STX7: variants seen among roughly 807,000 people sequenced by gnomAD.
STX7 encodes the protein syntaxin-7.
A neutral mutation model predicts 39.6 loss-of-function variants in STX7; 34 were observed. The observed-to-expected ratio is 0.86, with a 90% CI of 0.65 to 1.14. STX7 has a LOEUF of 1.14. Ranked by LOEUF, STX7 falls within the 50% of genes most tolerant of loss-of-function variation. STX7 has a pLI of 0.00. For missense variants in STX7, 284 were observed against 310.4 expected, an observed-to-expected ratio of 0.92 and a Z score of 0.64; for synonymous variants, 119 against 99.1, an observed-to-expected ratio of 1.20 and a Z score of -1.19.
At chr6:132,504,843 G>A (rs7758170) in intron 1 of STX7, among the ~76,000 whole-genome samples, 12,275 of 152,278 alleles carry the variant, frequency 0.081, 659 homozygotes, top group East Asian at 0.16. Context: ...TAGAAACATA[G>A]GATTTGGATG....
At chr6:132,463,363 A>T (rs12195647) in intron 9 of STX7, among the ~76,000 whole-genome samples, 10 of 152,294 alleles carry the variant, frequency 6.6e-5, no homozygotes, top group African/African-American at 2.4e-4. Context: ...TGCATATTGT[A>T]TGATGTATTA....
intron 2 of STX7, among the ~76,000 whole-genome samples, chr6:132,485,875 T>C (rs982454337): frequency 2.0e-5 from 3 of 152,256 alleles, no homozygotes; most frequent in Non-Finnish European, 4.4e-5. Flanking sequence ...CCCAATTATA[T>C]AAGCTTTCTT....
At chr6:132,479,095 T>G (rs1381569853) in intron 2 of STX7, among the ~76,000 whole-genome samples, 7 of 152,208 alleles carry the variant, frequency 4.6e-5, no homozygotes, top group Non-Finnish European at 7.3e-5. Context: ...GTTTCCTCAG[T>G]GAAAAATCTT....
intron 1 of STX7, among the ~76,000 whole-genome samples, chr6:132,505,762 A>AC (rs1442534234): frequency 7.4e-6 from 1 of 135,902 alleles, no homozygotes; most frequent in African/African-American, 2.8e-5. Flanking sequence ...AAAAAAAAAA[A>AC]AACACAGGTT....
intron 2 of STX7, among the ~76,000 whole-genome samples, chr6:132,481,563 ACT>A (rs34096587): frequency 0.32 from 48,447 of 151,904 alleles, 9,039 homozygotes; most frequent in Middle Eastern, 0.44. Context: ...CCTCCTTGTC[ACT>A]CTGAAACAAT....
chr6:132,472,973 C>T (rs1221969404), intron 3 of STX7, among the ~76,000 whole-genome samples: 1 of 152,202 alleles, frequency 6.6e-6, no homozygotes, highest in Non-Finnish European at 1.5e-5. Flanking sequence ...GCCTGGCCAA[C>T]ATGGCGAAAC....
rs761429185 is a variant in STX7 at position 132,512,606 on chromosome 6, GAA to G, written c.-59+399_-59+400del. On this transcript the variant is annotated intron_variant, in intron 1 of 9. Transcript: ENST00000367941. ...TAGTGTGTTTTTCAATCCGTGAGTT[GAA>G]AAGAGGAAGAGGTCATTTGGTCGTG... Among the ~76,000 whole-genome samples the G allele has an allele frequency of 7.5e-4, 115 of 152,352 alleles. No individual in the cohort carries two copies. In the East Asian group the frequency reaches 0.019, roughly 26 times the overall value.
chr6:132,495,729 C>A (rs1306305666), intron 2 of STX7, among the ~76,000 whole-genome samples: 1 of 151,970 alleles, frequency 6.6e-6, no homozygotes, highest in African/African-American at 2.4e-5. Flanking sequence ...TTCACCAGAC[C>A]CTAACTAATT....
chr6:132,504,897 A>C (rs765966455), intron 1 of STX7, among the ~76,000 whole-genome samples: 16 of 152,252 alleles, frequency 1.1e-4, no homozygotes, highest in Non-Finnish European at 2.4e-4. Context: ...CAAGGACGTG[A>C]AGGCTGGGGT....
In STX7 at chr6:132,454,456, G is replaced by GA. The variant is rs1774204036; in HGVS notation, c.*6301dup. 6.6e-6 allele frequency: 1 copy of GA among 152,160 alleles called. No homozygotes were observed. The highest frequency in any genetic ancestry group is 1.5e-5 in the Non-Finnish European group (1 of 68,010). The allele number at this position is 152,160 out of a possible 1,614,324, so 9.4% of individuals were successfully genotyped here. Reference sequence around the variant, plus strand: ...ATGTTCACTGTGTGGGAAACAAAGTGAAAGGTACACGAAAGAGGTCTCTGT... The same window carrying GA: ...ATGTTCACTGTGTGGGAAACAAAGTGAAAAGGTACACGAAAGAGGTCTCTGT... On this transcript the variant is annotated 3_prime_UTR_variant, in exon 10 of 10. Coordinates refer to ENST00000367941, the MANE Select transcript of STX7 (RefSeq NM_003569.3).
At chr6:132,512,167 T>C (rs1775862120) in intron 1 of STX7, among the ~76,000 whole-genome samples, 1 of 152,202 alleles carries the variant, frequency 6.6e-6, no homozygotes. Context: ...ATTTCATAAT[T>C]ACTTTCTTTT....
At chr6:132,503,674 CA>C (rs1313317908) in intron 1 of STX7, 86 bp from the exon 2 acceptor site, 7 of 541,526 alleles carry the variant, frequency 1.3e-5, no homozygotes, top group Non-Finnish European at 9.6e-6. Flanking sequence ...GTTACAAGGA[CA>C]AACTTGATTA....
chr6:132,473,597 C>T (rs1582655347), intron 3 of STX7, among the ~76,000 whole-genome samples: 1 of 142,238 alleles, frequency 7.0e-6, no homozygotes, highest in East Asian at 2.2e-4. Flanking sequence ...ATACAGAGTG[C>T]TGACTACATA....
At chr6:132,489,022 C>T (rs370746328) in intron 2 of STX7, among the ~76,000 whole-genome samples, 3 of 151,672 alleles carry the variant, frequency 2.0e-5, no homozygotes, top group Non-Finnish European at 1.5e-5. Flanking sequence ...GCCAACATGG[C>T]GAAAACCCAT....
At chr6:132,483,862 T>A (rs1448280165) in intron 2 of STX7, among the ~76,000 whole-genome samples, 1 of 152,064 alleles carries the variant, frequency 6.6e-6, no homozygotes. Flanking sequence ...TCTGGAAAAA[T>A]AAATAATCCT....
At chr6:132,489,648 T>C (rs1184313147) in intron 2 of STX7, among the ~76,000 whole-genome samples, 1 of 152,102 alleles carries the variant, frequency 6.6e-6, no homozygotes. Flanking sequence ...AAAGGATGAG[T>C]CTCGAGGCTG....
chr6:132,506,794 C>T (rs1775715584), intron 1 of STX7, among the ~76,000 whole-genome samples: 1 of 151,276 alleles, frequency 6.6e-6, no homozygotes, highest in African/African-American at 2.4e-5. Flanking sequence ...GGGTATCTAC[C>T]CAAAAGAAAA....
intron 1 of STX7, among the ~76,000 whole-genome samples, chr6:132,505,718 T>C (rs1011264829): frequency 1.6e-5 from 2 of 124,612 alleles, no homozygotes; most frequent in African/African-American, 3.2e-5. Flanking sequence ...CATGCAATTT[T>C]AAATGCATCT....
chr6:132,474,657 C>T (rs980792586), intron 3 of STX7, among the ~76,000 whole-genome samples: 2 of 151,918 alleles, frequency 1.3e-5, no homozygotes, highest in Non-Finnish European at 2.9e-5. Flanking sequence ...TCGTTAAACC[C>T]GTAAGAGACA....
Sources: gnomAD v4.1 joint callset for allele counts (sites outside exome capture counted in the v4.1 genomes callset) on GRCh38, gnomAD v4.1.1 for gene constraint, MANE v1.5 for transcripts, NCBI Gene and HGNC (gene_info 2026-07-23, HGNC 2026-07-21) for gene names.